CHIC2: variants seen among roughly 807,000 people sequenced by gnomAD.
The protein encoded by CHIC2 is cysteine rich hydrophobic domain 2, also known as cysteine-rich hydrophobic domain-containing protein 2.
In CHIC2, 14 loss-of-function variants were observed where a neutral mutation model predicts 25.9. That is an observed-to-expected ratio of 0.54 (90% CI 0.36 to 0.85). The LOEUF (loss-of-function observed/expected upper bound fraction) is 0.85, where lower values mean the gene tolerates loss of function less well. Among genes scored for constraint, CHIC2 ranks in the 40% least tolerant of loss-of-function variants. The probability of loss-of-function intolerance (pLI) is 0.01; values close to 1 mark genes in which losing one functional copy is unlikely to be tolerated. For synonymous variants in CHIC2, 70 were observed against 72.0 expected (o/e 0.97, Z 0.14); for missense variants, 146 against 202.0 (o/e 0.72, Z 1.68).
intron 3 of CHIC2, among the ~76,000 whole-genome samples, chr4:54,048,514 C>T (rs1462667638): frequency 6.6e-6 from 1 of 152,166 alleles, no homozygotes; most frequent in Non-Finnish European, 1.5e-5. Flanking sequence ...TTATTAACCA[C>T]TTCCTTTGAG....
the CHIC2 span, among the ~76,000 whole-genome samples, chr4:54,091,035 C>A: frequency 6.6e-6 from 1 of 151,990 alleles, no homozygotes; most frequent in African/African-American, 2.4e-5. Context: ...GCCTGGCATA[C>A]TATAGGCACA....
chr4:54,059,689 T>C (rs1344129392), intron 1 of CHIC2: 5 of 152,200 alleles, frequency 3.3e-5, no homozygotes, highest in South Asian at 2.1e-4. Context: ...AGTATTCTAT[T>C]ATAGAACATT....
intron 5 of CHIC2, among the ~76,000 whole-genome samples, chr4:54,011,087 ATTAT>A (rs1274071763): frequency 6.6e-6 from 1 of 152,138 alleles, no homozygotes; most frequent in African/African-American, 2.4e-5. Flanking sequence ...TGATTTAAAA[ATTAT>A]TTGATTTTAA....
intron 1 of CHIC2, among the ~76,000 whole-genome samples, chr4:54,057,723 T>C (rs1717218861): frequency 6.6e-6 from 1 of 152,208 alleles, no homozygotes; most frequent in Non-Finnish European, 1.5e-5. Flanking sequence ...CTCATTAAAT[T>C]ACTTATCAGG....
chr4:54,032,996 G>C (rs529451068), intron 3 of CHIC2, among the ~76,000 whole-genome samples: 1 of 152,120 alleles, frequency 6.6e-6, no homozygotes, highest in African/African-American at 2.4e-5. Flanking sequence ...TTAAAAGTGT[G>C]TGGCACCTCT....
At chr4:54,080,948 A>C in the CHIC2 span, among the ~76,000 whole-genome samples, 1 of 29,594 alleles carries the variant, frequency 3.4e-5, no homozygotes, top group Non-Finnish European at 6.7e-5. Context: ...GTGTGTATAT[A>C]TATATATATA....
intron 3 of CHIC2, among the ~76,000 whole-genome samples, chr4:54,030,652 T>A (rs988651025): frequency 8.1e-5 from 12 of 148,134 alleles, no homozygotes; most frequent in Non-Finnish European, 1.5e-4. Flanking sequence ...ATGTTTATAT[T>A]TACTAAAATG....
At chr4:54,017,861 T>C (rs1371325324) in intron 3 of CHIC2, among the ~76,000 whole-genome samples, 1 of 152,214 alleles carries the variant, frequency 6.6e-6, no homozygotes, top group Non-Finnish European at 1.5e-5. Context: ...CATTTCTTCA[T>C]TTCCACACCT....
intron 3 of CHIC2, among the ~76,000 whole-genome samples, chr4:54,018,802 A>G (rs901809971): frequency 1.3e-5 from 2 of 152,056 alleles, no homozygotes; most frequent in Admixed American, 1.3e-4. Context: ...ATTTAAACCT[A>G]TAATTAAAAT....
rs1009345960 is a variant in CHIC2, at chr4:54,064,129, A to C, written c.119+53T>G. On this transcript the variant is annotated intron_variant, in intron 1 of 5. Transcript: ENST00000263921. This position sits in a 1 kb window ranked among gnomAD's most constrained non-coding sequence, Gnocchi z 4.2. ...GGGGAAACGGGGCTCCCGTGGAGTAACGGGGCCCACCCCAGCCCGCACCTC... is the reference window on the plus strand; with the variant it reads ...GGGGAAACGGGGCTCCCGTGGAGTACCGGGGCCCACCCCAGCCCGCACCTC... 291 of 1,499,716 alleles carry C rather than the reference A, an allele frequency of 1.9e-4. 1 individual carries two copies. The South Asian group carries it at 3.3e-3, about 17-fold the overall frequency. 92.9% of individuals were successfully genotyped at this position (1,499,716 alleles called of 1,614,324 possible). A position where few individuals can be genotyped will look rare whatever the true frequency, so the allele number is the denominator to read the frequency against.
chr4:54,043,345 CG>C (rs1716650905), intron 3 of CHIC2, among the ~76,000 whole-genome samples: 1 of 148,248 alleles, frequency 6.7e-6, no homozygotes, highest in African/African-American at 2.5e-5. Context: ...GGCGTGAACA[CG>C]GGAGGTGGAG....
intron 3 of CHIC2, among the ~76,000 whole-genome samples, chr4:54,031,190 A>T (rs1716218146): frequency 6.6e-6 from 1 of 151,302 alleles, no homozygotes. Context: ...AAAAAAAAAA[A>T]CCTAACGCTG....
chr4:54,079,457 A>G, the CHIC2 span, among the ~76,000 whole-genome samples: 3 of 152,188 alleles, frequency 2.0e-5, no homozygotes, highest in Admixed American at 2.0e-4. Context: ...CAGCAAAGAA[A>G]ACAAGCAACA....
the CHIC2 span, among the ~76,000 whole-genome samples, chr4:54,069,724 G>A: frequency 6.6e-6 from 1 of 152,188 alleles, no homozygotes; most frequent in African/African-American, 2.4e-5. Flanking sequence ...TTGTATGCCA[G>A]GAAACAGGGT....
chr4:54,075,160 T>A, the CHIC2 span, among the ~76,000 whole-genome samples: 1 of 152,172 alleles, frequency 6.6e-6, no homozygotes, highest in Non-Finnish European at 1.5e-5. Flanking sequence ...CAGTTAACTT[T>A]AAGGTGTCAA....
At chr4:54,053,374 T>C (rs2110088520) in intron 1 of CHIC2, among the ~76,000 whole-genome samples, 1 of 152,176 alleles carries the variant, frequency 6.6e-6, no homozygotes, top group East Asian at 1.9e-4. Flanking sequence ...CTGGCCAACA[T>C]GGTGAAACCC....
At chr4:54,060,458 G>A (rs1717297635) in intron 1 of CHIC2, 1 of 152,048 alleles carries the variant, frequency 6.6e-6, no homozygotes. Flanking sequence ...TCTATGATAG[G>A]GCTTGAGTTA....
chr4:54,080,580 A>G, the CHIC2 span, among the ~76,000 whole-genome samples: 3 of 151,982 alleles, frequency 2.0e-5, no homozygotes, highest in African/African-American at 7.3e-5. Flanking sequence ...AACCTGAGCA[A>G]CATGGTGAAA....
At chr4:54,080,829 T>G in the CHIC2 span, among the ~76,000 whole-genome samples, 1 of 150,996 alleles carries the variant, frequency 6.6e-6, no homozygotes, top group Non-Finnish European at 1.5e-5. Flanking sequence ...ATTGTATACT[T>G]GAAATTTACT....
Sources: gnomAD v4.1 joint callset for allele counts (sites outside exome capture counted in the v4.1 genomes callset) on GRCh38, gnomAD v4.1.1 for gene constraint, Gnocchi (gnomAD v3.1) non-coding constraint, MANE v1.5 for transcripts, NCBI Gene and HGNC (gene_info 2026-07-23, HGNC 2026-07-21) for gene names.